BRD3: variants seen among roughly 807,000 people sequenced by gnomAD.
BRD3 encodes the protein bromodomain-containing protein 3.
Under a neutral mutation model 66.8 loss-of-function variants are expected in BRD3, and 17 were observed. The observed-to-expected ratio is 0.25, with a 90% confidence interval of 0.17 to 0.38. The LOEUF is 0.38. Ranked by LOEUF, BRD3 falls within the 10% of genes least tolerant of loss-of-function variation. BRD3 has a pLI of 1.00. For synonymous variants in BRD3, 421 were observed against 393.2 expected, an observed-to-expected ratio of 1.07 and a Z score of -0.84; for missense variants, 713 against 956.1, an observed-to-expected ratio of 0.75 and a Z score of 3.35.
chr9:134,068,540 A>AGC (rs1273114691), upstream of BRD3: 9 of 146,902 alleles, frequency 6.1e-5, no homozygotes, highest in African/African-American at 7.5e-5. Flanking sequence ...GCCTGGCGGG[A>AGC]GCGCGCGCGC....
intron 1 of BRD3, among the ~76,000 whole-genome samples, chr9:134,062,799 G>A (rs566190530): frequency 1.3e-5 from 2 of 152,306 alleles, no homozygotes; most frequent in African/African-American, 4.8e-5. Flanking sequence ...GTCTCCCACG[G>A]GTCTGGGAAG....
chr9:134,042,682 CACACACACAT>C (rs1830078548), intron 7 of BRD3, among the ~76,000 whole-genome samples: 1 of 138,470 alleles, frequency 7.2e-6, no homozygotes, highest in Non-Finnish European at 1.6e-5. Context: ...TATATATACA[CACACACACAT>C]ATACACACAC....
intron 9 of BRD3, among the ~76,000 whole-genome samples, chr9:134,039,653 C>G (rs374108813): frequency 1.3e-5 from 2 of 152,246 alleles, no homozygotes; most frequent in Admixed American, 6.5e-5. Context: ...CCGAAGGAGG[C>G]TGAATGCAGC....
At chr9:134,053,655 C>A (rs1830352034) in intron 1 of BRD3, 65 bp from the exon 2 acceptor site, 2 of 1,395,426 alleles carry the variant, frequency 1.4e-6, no homozygotes, top group South Asian at 3.1e-5. Context: ...CCTCTCCCAG[C>A]CTCGGCGGGC....
chr9:134,053,773 G>A lies in BRD3; in HGVS notation c.-113-183C>T, dbSNP rs375656987. 1.6e-3 allele frequency: 795 copies of A among 495,222 alleles called. 2 individuals carry two copies. Among genetic ancestry groups the A allele is most frequent in the Non-Finnish European group, 2.3e-3 (652 of 285,052 alleles). 30.7% of individuals were successfully genotyped at this position (495,222 alleles called of 1,614,324 possible). On this transcript the variant is annotated intron_variant, in intron 1 of 11. Coordinates refer to ENST00000303407, the MANE Select transcript of BRD3 (RefSeq NM_007371.4). ...CGGGAAAGCTGCTCAGGCGAAGCGC[G>A]ACCAGCTCAGAACGACTCTCCAACC...
Position 134,053,539 on chromosome 9 carries a change from A to G in BRD3, c.-62T>C. 1 of 1,481,490 alleles carries G rather than the reference A, an allele frequency of 6.7e-7. No homozygotes were observed. Among genetic ancestry groups the G allele is most frequent in the Non-Finnish European group, 8.9e-7 (1 of 1,119,416 alleles). 91.8% of individuals were successfully genotyped at this position (1,481,490 alleles called of 1,614,324 possible). A position where few individuals can be genotyped will look rare whatever the true frequency, so the allele number is the denominator to read the frequency against. On this transcript the variant is annotated 5_prime_UTR_variant, in exon 2 of 12. Coordinates refer to ENST00000303407, the MANE Select transcript of BRD3 (RefSeq NM_007371.4). ...GCTTGGAGAGGCCCTGGCTGCTTCT[A>G]CGCTCCCTGAGAAAGCGCGACGTCC... is the stretch of plus-strand genomic sequence containing the variant.
chr9:134,047,785 C>T (rs1313099710), intron 6 of BRD3, among the ~76,000 whole-genome samples: 1 of 152,216 alleles, frequency 6.6e-6, no homozygotes, highest in East Asian at 1.9e-4. Flanking sequence ...CTAGGGACCC[C>T]CTGACCTGAT....
intron 3 of BRD3, 59 bp downstream of exon 3, chr9:134,052,247 G>A: frequency 6.3e-7 from 1 of 1,595,074 alleles, no homozygotes; most frequent in Non-Finnish European, 8.5e-7. Context: ...CAGGCCCACT[G>A]CGTTGCACAG....
At position 134,036,254 on chromosome 9, in the gene BRD3, T is replaced by C; in HGVS notation, c.1714A>G (p.Met572Val). 1 of 1,614,136 alleles carries C rather than the reference T, an allele frequency of 6.2e-7. No individual in the cohort carries two copies. The highest frequency in any genetic ancestry group is 8.5e-7 in the Non-Finnish European group (1 of 1,180,020). Residue 572 changes from methionine (M) to valine (V), a missense_variant, in exon 10 of 12, where the codon ATG (methionine) becomes GTG (valine). Coordinates refer to ENST00000303407, the MANE Select transcript of BRD3 (RefSeq NM_007371.4). ...AGCTGGCGCTTTTCATCGTAGCTCA[T>C]GGGCAGGCCCTCCTCCTCTTCCTCT... ...DSEEEEEGLPMSYDEKRQLSL... is the reference protein window; with the variant it reads ...DSEEEEEGLPVSYDEKRQLSL...
chr9:134,054,099 C>G (rs137981633), intron 1 of BRD3: 2,513 of 153,076 alleles, frequency 0.016, 57 homozygotes, highest in Non-Finnish European at 0.019. Context: ...CAGACCCAAA[C>G]ACGGTGCGGG....
chr9:134,036,839 TCTA>T (rs752243406), intron 9 of BRD3, among the ~76,000 whole-genome samples: 56 of 151,758 alleles, frequency 3.7e-4, no homozygotes, highest in Admixed American at 3.3e-4. Context: ...AAACCTCGTC[TCTA>T]CTACTAAAAA....
At chr9:134,036,676 G>A in intron 9 of BRD3, 1 of 1,118,500 alleles carries the variant, frequency 8.9e-7, no homozygotes, top group Non-Finnish European at 1.3e-6. Flanking sequence ...AATAAAATGA[G>A]AGACCGAAAT....
At chr9:134,044,040 G>A (rs1026663952) in intron 7 of BRD3, among the ~76,000 whole-genome samples, 5 of 152,220 alleles carry the variant, frequency 3.3e-5, no homozygotes, top group South Asian at 2.1e-4. Context: ...CTGGGTTTCC[G>A]TCCTCTATGC....
Position 134,045,733 on chromosome 9 carries a change from T to C in BRD3, c.1087-312A>G, listed in dbSNP as rs897178373. Among the ~76,000 whole-genome samples, 3 of 152,148 alleles carry C rather than the reference T, an allele frequency of 2.0e-5. No individual in the cohort carries two copies. The highest frequency in any genetic ancestry group is 4.4e-5 in the Non-Finnish European group (3 of 68,002). On this transcript the variant is annotated intron_variant, in intron 6 of 11. Transcript: ENST00000303407. The surrounding 1 kb of genome is among the most constrained non-coding windows in gnomAD (Gnocchi z 4.8). Reference sequence around the variant, plus strand: ...CGTAGGCGTCCCTTGGCCCCTTCCTTGTCCAGAGCTTCCCTTCACACAAAG... The same window carrying C: ...CGTAGGCGTCCCTTGGCCCCTTCCTCGTCCAGAGCTTCCCTTCACACAAAG...
chr9:134,064,155 G>A (rs1268529384), intron 1 of BRD3, among the ~76,000 whole-genome samples: 2 of 152,196 alleles, frequency 1.3e-5, no homozygotes, highest in African/African-American at 4.8e-5. Flanking sequence ...GCTCCACTGC[G>A]AGCTCAATCA....
rs12554235 is a variant in BRD3, at chr9:134,030,672, T to C, written c.*2918A>G. On this transcript the variant is annotated 3_prime_UTR_variant, in exon 12 of 12. Transcript: ENST00000303407. ...CAAATTCTGTATGTGGGTGTTACTCTTTCCCAAAAGACTGTCAGAGGCGTG... is the reference window on the plus strand; with the variant it reads ...CAAATTCTGTATGTGGGTGTTACTCCTTCCCAAAAGACTGTCAGAGGCGTG... The C allele has an allele frequency of 3.5e-5, 8 of 230,020 alleles. No individual in the cohort carries two copies. The Admixed American group carries it at 4.5e-4, about 13-fold the overall frequency. 14.2% of individuals were successfully genotyped at this position (230,020 alleles called of 1,614,324 possible).
At chr9:134,036,648 A>G in intron 9 of BRD3, 1 of 1,275,740 alleles carries the variant, frequency 7.8e-7, no homozygotes, top group Non-Finnish European at 1.1e-6. Context: ...AACAGAAAAC[A>G]CAGAGGAAAA....
Position 134,045,387 on chromosome 9 carries a change from T to C in BRD3, c.1121A>G (p.Gln374Arg), listed in dbSNP as rs770107487. 8.1e-6 allele frequency: 13 copies of C among 1,613,552 alleles called. No individual in the cohort carries two copies. Among genetic ancestry groups the C allele is most frequent in the Middle Eastern group, 1.6e-4 (1 of 6,082 alleles). Residue 374 changes from glutamine to arginine, a missense_variant, in exon 7 of 12, where the codon CAG (glutamine) becomes CGG (arginine). This residue lies in a region of BRD3 where 418 missense variants were observed against 609.3 expected (regional missense o/e 0.69). Coordinates refer to ENST00000303407, the MANE Select transcript of BRD3 (RefSeq NM_007371.4). This position sits in a 1 kb window ranked among gnomAD's most constrained non-coding sequence, Gnocchi z 4.8. ...KMDGREYPDA[Q>R]GFAADVRLMF... ...CAGCCGGACATCAGCAGCAAAGCCC[T>C]GTGCGTCTGGGTACTCTCGGCCATC... is the stretch of plus-strand genomic sequence containing the variant.
Position 134,048,339 on chromosome 9 carries a change from G to A in BRD3, c.830C>T (p.Ala277Val). The A allele has an allele frequency of 6.3e-7, 1 of 1,599,282 alleles. No individual in the cohort carries two copies. The highest frequency in any genetic ancestry group is 8.5e-7 in the Non-Finnish European group (1 of 1,179,620). Residue 277 changes from alanine to valine, a missense_variant, in exon 6 of 12, where the codon GCC becomes GTC. Physicochemically the swap from Ala to Val is moderately conservative, Grantham distance 64. Coordinates refer to ENST00000303407, the MANE Select transcript of BRD3 (RefSeq NM_007371.4). Reference protein sequence around the residue: ...LSDPKQAKVVARRESGGRPIK... With the variant: ...LSDPKQAKVVVRRESGGRPIK... ...GGGGCGGCCACCACTCTCCCGCCGG[G>A]CCACCACTTTGGCCTGCTTGGGGTC...
Sources: gnomAD v4.1 joint callset for allele counts (sites outside exome capture counted in the v4.1 genomes callset) on GRCh38, gnomAD v4.1.1 for gene constraint, gnomAD v4.1.1 regional missense constraint, Gnocchi (gnomAD v3.1) non-coding constraint, MANE v1.5 for transcripts, NCBI Gene and HGNC (gene_info 2026-07-23, HGNC 2026-07-21) for gene names.